Variants in FGF3 observed in about 807,000 individuals in gnomAD.
The protein encoded by FGF3 is FGF-3.
A neutral mutation model predicts 9.8 loss-of-function variants in FGF3; 7 were observed. The observed-to-expected ratio is 0.72, with a 90% CI of 0.41 to 1.35. FGF3 has a LOEUF of 1.35. FGF3 is among the 40% of genes most tolerant of loss of function. The pLI is 0.01. For synonymous variants in FGF3, 173 were observed against 157.2 expected (o/e 1.10, Z -0.75); for missense variants, 390 against 345.6 (o/e 1.13, Z -1.02).
At position 69,810,648 on chromosome 11, in the gene FGF3, T is replaced by C; in HGVS notation, c.377A>G (p.Tyr126Cys). 1.3e-6 allele frequency: 2 copies of C among 1,595,928 alleles called. No homozygotes were observed. The highest frequency in any genetic ancestry group is 1.7e-6 in the Non-Finnish European group (2 of 1,168,080). ...GTACAGCCGGGAGGCATACGTATTA[T>C]AGCCCAGCTCGTGGATCCGCTCCAC... ...EFVERIHELG[Y>C]NTYASRLYRT... Residue 126 changes from tyrosine to cysteine, a missense_variant, in exon 3 of 3, where the codon TAT becomes TGT. Tyr to Cys is a radical substitution (Grantham distance 194, BLOSUM62 -2). Coordinates refer to ENST00000334134, the MANE Select transcript of FGF3 (RefSeq NM_005247.4).
chr11:69,813,235 C>T (rs1055579175), intron 2 of FGF3, among the ~76,000 whole-genome samples: 9 of 152,120 alleles, frequency 5.9e-5, no homozygotes, highest in East Asian at 5.8e-4. Context: ...TGGAGGAGGG[C>T]GTTCCAGGCA....
Position 69,819,077 on chromosome 11 carries a change from G to A in FGF3, c.-144C>T. 1 of 476,628 alleles carries A rather than the reference G, an allele frequency of 2.1e-6. No individual in the cohort carries two copies. The allele number at this position is 476,628 out of a possible 1,614,324, so 29.5% of individuals were successfully genotyped here. A position where few individuals can be genotyped will look rare whatever the true frequency, so the allele number is the denominator to read the frequency against. On this transcript the variant is annotated 5_prime_UTR_variant, in exon 1 of 3. Transcript: ENST00000334134. ...TGACTCCGGCTTCGCGGGAAAGGTG[G>A]GGGAAGAAGGGGGAAGGGTGGGCGA...
intron 2 of FGF3, among the ~76,000 whole-genome samples, chr11:69,811,931 G>T (rs895847865): frequency 3.3e-5 from 5 of 152,194 alleles, no homozygotes; most frequent in Non-Finnish European, 7.3e-5. Context: ...AGACTTGGCC[G>T]TGGGAGTTTC....
rs2119940049 is a variant in FGF3 at position 69,818,824 on chromosome 11, T to C, written c.110A>G (p.Glu37Gly). The C allele has an allele frequency of 6.7e-7, 1 of 1,485,002 alleles. No homozygotes were observed. The highest frequency in any genetic ancestry group is 8.9e-7 in the Non-Finnish European group (1 of 1,124,336). The allele number at this position is 1,485,002 out of a possible 1,614,324, so 92.0% of individuals were successfully genotyped here. Residue 37 changes from glutamate (E) to glycine (G), a missense_variant, in exon 1 of 3, where the codon GAG becomes GGG. Coordinates refer to ENST00000334134, the MANE Select transcript of FGF3 (RefSeq NM_005247.4). Reference protein sequence around the residue: ...RDAGGRGGVYEHLGGAPRRRK... With the variant: ...RDAGGRGGVYGHLGGAPRRRK... ...GCGCCGGGGCGCCCCGCCAAGGTGCTCGTAGACGCCGCCACGGCCGCCCGC... is the reference window on the plus strand; with the variant it reads ...GCGCCGGGGCGCCCCGCCAAGGTGCCCGTAGACGCCGCCACGGCCGCCCGC...
chr11:69,814,471 A>G (rs1228625669), intron 2 of FGF3, among the ~76,000 whole-genome samples: 2 of 152,004 alleles, frequency 1.3e-5, no homozygotes, highest in African/African-American at 4.8e-5. Flanking sequence ...AGGGTGGTCT[A>G]TACCTCAGAA....
intron 2 of FGF3, among the ~76,000 whole-genome samples, chr11:69,814,393 G>A (rs1328416514): frequency 4.6e-5 from 7 of 151,974 alleles, no homozygotes; most frequent in African/African-American, 1.7e-4. Flanking sequence ...GTGGGGCGAT[G>A]ATTAAGATGG....
At chr11:69,815,761 G>A (rs1224831632) in intron 2 of FGF3, among the ~76,000 whole-genome samples, 5 of 152,100 alleles carry the variant, frequency 3.3e-5, no homozygotes, top group African/African-American at 9.7e-5. Flanking sequence ...TTGGTTACAC[G>A]GAGGCCCAGG....
chr11:69,810,600 C>A lies in FGF3; in HGVS notation c.425G>T (p.Gly142Val), dbSNP rs782459734. The A allele has an allele frequency of 3.7e-6, 6 of 1,611,102 alleles. No individual in the cohort carries two copies. The African/African-American group carries it at 8.0e-5, about 22-fold the overall frequency. ...CTCGGCGCTGGGCTGCCGGCGGGCC[C>A]CAGGCGTACTAGACACCGTCCGGTA... ...RLYRTVSSTP[G>V]ARRQPSAERL... Residue 142 changes from glycine (G) to valine (V), a missense_variant, in exon 3 of 3, where the codon GGG (glycine) becomes GTG (valine). By Grantham distance (109) the Gly-to-Val change is moderately radical. Coordinates refer to ENST00000334134, the MANE Select transcript of FGF3 (RefSeq NM_005247.4).
In FGF3 at chr11:69,810,267, A is replaced by T. The variant is rs782127374; in HGVS notation, c.*38T>A. ...AGAGTCAAGAGGCTGCCACGCCAAG[A>T]TGTCGCCAGGAGCTCTGGCGGTGGC... On this transcript the variant is annotated 3_prime_UTR_variant, in exon 3 of 3. Transcript: ENST00000334134. 7 of 1,516,906 alleles carry T rather than the reference A, an allele frequency of 4.6e-6. No homozygotes were observed. The highest frequency in any genetic ancestry group is 6.2e-6 in the Non-Finnish European group (7 of 1,125,232). 94.0% of individuals were successfully genotyped at this position (1,516,906 alleles called of 1,614,324 possible). A position where few individuals can be genotyped will look rare whatever the true frequency, so the allele number is the denominator to read the frequency against.
In FGF3 at chr11:69,810,274, C is replaced by T; in HGVS notation, c.*31G>A. On this transcript the variant is annotated 3_prime_UTR_variant, in exon 3 of 3. Coordinates refer to ENST00000334134, the MANE Select transcript of FGF3 (RefSeq NM_005247.4). ...AGAGGCTGCCACGCCAAGATGTCGC[C>T]AGGAGCTCTGGCGGTGGCCACCAGG... 1 of 1,530,868 alleles carries T rather than the reference C, an allele frequency of 6.5e-7. No individual in the cohort carries two copies. The highest frequency in any genetic ancestry group is 8.8e-7 in the Non-Finnish European group (1 of 1,132,590). 94.8% of individuals were successfully genotyped at this position (1,530,868 alleles called of 1,614,324 possible). A position where few individuals can be genotyped will look rare whatever the true frequency, so the allele number is the denominator to read the frequency against.
intron 1 of FGF3, among the ~76,000 whole-genome samples, chr11:69,818,214 CG>C (rs1856172959): frequency 6.6e-6 from 1 of 152,126 alleles, no homozygotes; most frequent in Non-Finnish European, 1.5e-5. Flanking sequence ...GCGGAGGGGA[CG>C]GCGGGGCGTC....
chr11:69,813,856 G>GTGGATGGGTGGGTGGGTGGA (rs1856080555), intron 2 of FGF3, among the ~76,000 whole-genome samples: 2 of 106,326 alleles, frequency 1.9e-5, no homozygotes, highest in Admixed American at 9.6e-5. Context: ...GGATGGATGG[G>GTGGATGGGTGGGTGGGTGGA]TGGATGGATG....
intron 2 of FGF3, among the ~76,000 whole-genome samples, chr11:69,815,746 C>G (rs1429594991): frequency 6.6e-6 from 1 of 152,124 alleles, no homozygotes; most frequent in Non-Finnish European, 1.5e-5. Flanking sequence ...GTAAGGAGAC[C>G]CTTTTTGGTT....
chr11:69,817,569 C>G (rs1006614896), intron 1 of FGF3: 3 of 152,262 alleles, frequency 2.0e-5, no homozygotes, highest in Admixed American at 1.3e-4. Context: ...GAATTCCGCG[C>G]ACTCGGACCC....
chr11:69,813,916 C>CTGGT (rs1856083753), intron 2 of FGF3, among the ~76,000 whole-genome samples: 33 of 87,660 alleles, frequency 3.8e-4, no homozygotes, highest in East Asian at 7.3e-4. Flanking sequence ...GGGTGGATTG[C>CTGGT]TGGATGGATT....
At position 69,810,411 on chromosome 11, in the gene FGF3, C is replaced by T; in HGVS notation, c.614G>A (p.Gly205Glu). 1 of 1,573,254 alleles carries T rather than the reference C, an allele frequency of 6.4e-7. No individual in the cohort carries two copies. Among genetic ancestry groups the T allele is most frequent in the Non-Finnish European group, 8.7e-7 (1 of 1,155,876 alleles). Reference protein sequence around the residue: ...QSGLPRPPGKGVQPRRRRQKQ... With the variant: ...QSGLPRPPGKEVQPRRRRQKQ... ...CTGCCGCCGCCGTCGGGGCTGGACCCCCTTACCAGGGGGTCTGGGCAGCCC... is the reference window on the plus strand; with the variant it reads ...CTGCCGCCGCCGTCGGGGCTGGACCTCCTTACCAGGGGGTCTGGGCAGCCC... Residue 205 changes from glycine (G) to glutamate (E), a missense_variant, in exon 3 of 3, where the codon GGG becomes GAG. Coordinates refer to ENST00000334134, the MANE Select transcript of FGF3 (RefSeq NM_005247.4).
intron 2 of FGF3, among the ~76,000 whole-genome samples, chr11:69,815,844 TC>T (rs1856123555): frequency 6.6e-6 from 1 of 151,954 alleles, no homozygotes; most frequent in Admixed American, 6.6e-5. Context: ...CCATCCCCCT[TC>T]CCCTCCTAGG....
At chr11:69,816,058 A>G (rs1186459034) in intron 2 of FGF3, among the ~76,000 whole-genome samples, 4 of 152,148 alleles carry the variant, frequency 2.6e-5, no homozygotes, top group African/African-American at 9.7e-5. Context: ...GATGACAAGG[A>G]TGGGGGAAAC....
Position 69,818,831 on chromosome 11 carries a change from C to T in FGF3, c.103G>A (p.Val35Ile), listed in dbSNP as rs1430586811. The change falls in exon 1 of 3, where the codon GTC becomes ATC. Residue 35 changes from valine (V) to isoleucine (I), a missense_variant. Transcript: ENST00000334134. ...LRRDAGGRGG[V>I]YEHLGGAPRR... is the part of the protein sequence containing the mutation. ...GGCGCCCCGCCAAGGTGCTCGTAGA[C>T]GCCGCCACGGCCGCCCGCATCGCGC... The T allele has an allele frequency of 1.4e-4, 206 of 1,483,098 alleles. No homozygotes were observed. Among genetic ancestry groups the T allele is most frequent in the Non-Finnish European group, 1.8e-4 (199 of 1,123,486 alleles). The allele number at this position is 1,483,098 out of a possible 1,614,324, so 91.9% of individuals were successfully genotyped here.
Sources: gnomAD v4.1 joint callset for allele counts (sites outside exome capture counted in the v4.1 genomes callset) on GRCh38, gnomAD v4.1.1 for gene constraint, MANE v1.5 for transcripts, NCBI Gene and HGNC (gene_info 2026-07-23, HGNC 2026-07-21) for gene names.